CSMD1: variants seen among roughly 807,000 people sequenced by gnomAD.
CSMD1 encodes the protein CUB and sushi domain-containing protein 1.
CSMD1 carries 213 observed loss-of-function variants against 417.5 expected under a neutral mutation model. The observed-to-expected ratio is 0.51, with a 90% confidence interval of 0.46 to 0.57. The LOEUF (loss-of-function observed/expected upper bound fraction) is 0.57. CSMD1 is among the 20% of genes least tolerant of loss of function. CSMD1 has a pLI of 0.00. For synonymous variants in CSMD1, 2,862 were observed against 1,736.8 expected, an observed-to-expected ratio of 1.65 and a Z score of -16.11; for missense variants, 6,923 against 4,529.7, an observed-to-expected ratio of 1.53 and a Z score of -15.17.
chr8:3,892,053 C>G (rs1316990278), intron 5 of CSMD1, among the ~76,000 whole-genome samples: 1 of 152,024 alleles, frequency 6.6e-6, no homozygotes. Context: ...AGGAAAGTCA[C>G]ATTTGGGTAA....
At chr8:4,417,868 T>G (rs1278173569) in intron 3 of CSMD1, among the ~76,000 whole-genome samples, 2 of 152,014 alleles carry the variant, frequency 1.3e-5, no homozygotes, top group Non-Finnish European at 2.9e-5. Flanking sequence ...TCCCATGACA[T>G]TTCCTTGGAA....
chr8:3,220,427 T>C (rs909255046), intron 28 of CSMD1, among the ~76,000 whole-genome samples: 6 of 152,190 alleles, frequency 3.9e-5, no homozygotes, highest in African/African-American at 1.4e-4. Context: ...TGTAGGCTGA[T>C]AGAGTCTCTG....
At chr8:3,417,790 A>G (rs1225515307) in intron 12 of CSMD1, among the ~76,000 whole-genome samples, 2 of 152,188 alleles carry the variant, frequency 1.3e-5, no homozygotes, top group Non-Finnish European at 2.9e-5. Flanking sequence ...CACCTTCGGA[A>G]AACAAGATTG....
chr8:4,090,967 G>A (rs1490193931), intron 3 of CSMD1, among the ~76,000 whole-genome samples: 2 of 150,672 alleles, frequency 1.3e-5, no homozygotes, highest in African/African-American at 2.4e-5. Flanking sequence ...CACCCAGGCT[G>A]GAGTGCAGCG....
chr8:3,935,064 C>T (rs1810390304), intron 5 of CSMD1, among the ~76,000 whole-genome samples: 1 of 152,098 alleles, frequency 6.6e-6, no homozygotes, highest in Non-Finnish European at 1.5e-5. Flanking sequence ...GCACTGGCTT[C>T]ATAACTACAA....
chr8:3,904,697 T>C (rs914206417), intron 5 of CSMD1, among the ~76,000 whole-genome samples: 6 of 149,476 alleles, frequency 4.0e-5, no homozygotes, highest in Admixed American at 2.7e-4. Flanking sequence ...ACTGCAGTGG[T>C]GCTATCTCAG....
At chr8:4,196,942 C>G (rs1203481330) in intron 3 of CSMD1, among the ~76,000 whole-genome samples, 1 of 152,162 alleles carries the variant, frequency 6.6e-6, no homozygotes, top group African/African-American at 2.4e-5. Context: ...TTTGTTTGTT[C>G]TTTGCTCCAA....
chr8:4,645,260 C>G (rs992460828), intron 1 of CSMD1, among the ~76,000 whole-genome samples: 1 of 151,914 alleles, frequency 6.6e-6, no homozygotes, highest in Non-Finnish European at 1.5e-5. Context: ...GAACTGGAAC[C>G]TCACGGATAT....
intron 2 of CSMD1, among the ~76,000 whole-genome samples, chr8:4,543,602 A>G (rs11786902): frequency 0.29 from 42,644 of 149,426 alleles, 6,793 homozygotes; most frequent in East Asian, 0.39. Flanking sequence ...TTGTATGAAC[A>G]TAAGTTTCAA....
At chr8:3,888,768 T>TCCTTCCATTTGGGTCCTTCCAAATAGC (rs1806741053) in intron 5 of CSMD1, among the ~76,000 whole-genome samples, 1 of 152,124 alleles carries the variant, frequency 6.6e-6, no homozygotes, top group African/African-American at 2.4e-5. Context: ...TTCCAAATGG[T>TCCTTCCATTTGGGTCCTTCCAAATAGC]CCTTCCATTT....
intron 1 of CSMD1, among the ~76,000 whole-genome samples, chr8:4,903,497 G>C (rs1251051289): frequency 6.6e-6 from 1 of 152,046 alleles, no homozygotes; most frequent in African/African-American, 2.4e-5. Flanking sequence ...TGTTTTATGA[G>C]CTATGTTGTT....
intron 7 of CSMD1, among the ~76,000 whole-genome samples, chr8:3,647,683 G>C (rs1467686299): frequency 1.3e-5 from 2 of 152,200 alleles, no homozygotes; most frequent in East Asian, 1.9e-4. Context: ...TTTTAGTACA[G>C]TTATTGTAAG....
At chr8:4,463,628 C>G (rs1161244342) in intron 2 of CSMD1, among the ~76,000 whole-genome samples, 1 of 152,140 alleles carries the variant, frequency 6.6e-6, no homozygotes, top group Non-Finnish European at 1.5e-5. Context: ...TGAAAACCTA[C>G]TAAATGGAAA....
At chr8:4,593,393 A>T (rs1800088173) in intron 2 of CSMD1, among the ~76,000 whole-genome samples, 1 of 152,200 alleles carries the variant, frequency 6.6e-6, no homozygotes, top group Admixed American at 6.5e-5. Context: ...TTTTAGTGCT[A>T]ATTATGTATT....
chr8:3,430,563 T>A (rs1814151147), intron 12 of CSMD1, among the ~76,000 whole-genome samples: 1 of 152,218 alleles, frequency 6.6e-6, no homozygotes, highest in Non-Finnish European at 1.5e-5. Flanking sequence ...TCTCAGCACC[T>A]TGGGAAGCTG....
intron 3 of CSMD1, among the ~76,000 whole-genome samples, chr8:4,254,510 T>C (rs942084042): frequency 1.3e-5 from 2 of 152,116 alleles, no homozygotes; most frequent in Non-Finnish European, 2.9e-5. Context: ...TACAAATAAA[T>C]TTCACGTAGC....
At chr8:4,530,027 GC>G (rs1298918633) in intron 2 of CSMD1, among the ~76,000 whole-genome samples, 1 of 151,944 alleles carries the variant, frequency 6.6e-6, no homozygotes, top group African/African-American at 2.4e-5. Flanking sequence ...CCATTTTCCT[GC>G]CTCAGCCTCC....
intron 5 of CSMD1, among the ~76,000 whole-genome samples, chr8:3,888,271 GC>G (rs530710110): frequency 1.5e-3 from 222 of 152,192 alleles, no homozygotes; most frequent in Middle Eastern, 3.4e-3. Context: ...ACACCCAAAT[GC>G]CAAACCCTTG....
At chr8:3,627,428 C>G (rs1271105989) in intron 7 of CSMD1, among the ~76,000 whole-genome samples, 1 of 152,160 alleles carries the variant, frequency 6.6e-6, no homozygotes, top group Non-Finnish European at 1.5e-5. Context: ...CCTGAAATCA[C>G]AGACATTAAC....
Sources: allele counts gnomAD v4.1 joint callset (sites outside exome capture counted in the v4.1 genomes callset), GRCh38; gene constraint gnomAD v4.1.1; transcripts MANE v1.5; gene names NCBI Gene and HGNC (gene_info 2026-07-23, HGNC 2026-07-21).